ATP6V1A: variants seen among roughly 807,000 people sequenced by gnomAD.
ATP6V1A encodes the protein V-type proton ATPase catalytic subunit A.
ATP6V1A carries 18 observed loss-of-function variants against 70.1 expected under a neutral mutation model. The ratio of observed to expected loss-of-function variants is 0.26; its 90% CI spans 0.18 to 0.38. The LOEUF (loss-of-function observed/expected upper bound fraction) is 0.38. Ranked by LOEUF, ATP6V1A falls within the 10% of genes least tolerant of loss-of-function variation. The pLI, the probability that ATP6V1A is intolerant of heterozygous loss-of-function variation, is 1.00. For synonymous variants in ATP6V1A, 232 were observed against 253.8 expected, an observed-to-expected ratio of 0.91 and a Z score of 0.82; for missense variants, 424 against 772.4, an observed-to-expected ratio of 0.55 and a Z score of 5.35.
At chr3:113,760,723 T>C (rs1463470622) in intron 1 of ATP6V1A, among the ~76,000 whole-genome samples, 1 of 150,122 alleles carries the variant, frequency 6.7e-6, no homozygotes, top group Non-Finnish European at 1.5e-5. Flanking sequence ...TAAGACTCCA[T>C]CTCAAAAAAA....
At chr3:113,779,035 T>C in intron 2 of ATP6V1A, 200 bp downstream of exon 2, 1 of 376,216 alleles carries the variant, frequency 2.7e-6, no homozygotes, top group Non-Finnish European at 4.8e-6. Flanking sequence ...CTAAATTTTA[T>C]AATTATTGAG....
intron 1 of ATP6V1A, among the ~76,000 whole-genome samples, chr3:113,771,354 C>T (rs1323990595): frequency 6.6e-6 from 1 of 151,550 alleles, no homozygotes; most frequent in Non-Finnish European, 1.5e-5. Flanking sequence ...ATTCAGTCAT[C>T]AGGTCACCAT....
chr3:113,802,466 G>T (rs2108043582), intron 12 of ATP6V1A, among the ~76,000 whole-genome samples: 1 of 151,454 alleles, frequency 6.6e-6, no homozygotes, highest in Admixed American at 6.6e-5. Context: ...GAGTAGCTGG[G>T]ACTACAGGCG....
chr3:113,784,174 A>T (rs191211820), intron 3 of ATP6V1A, 50 bp from the exon 4 acceptor site: 1 of 1,526,602 alleles, frequency 6.6e-7, no homozygotes, highest in East Asian at 2.3e-5. Flanking sequence ...TTTCCTGTTA[A>T]TTGTGTCTTT....
In ATP6V1A at chr3:113,810,975, G is replaced by A. The variant is rs550118125; in HGVS notation, c.*1548G>A. 1 of 151,936 alleles carries A rather than the reference G, an allele frequency of 6.6e-6. No individual in the cohort carries two copies. The highest frequency in any genetic ancestry group is 1.9e-4 in the East Asian group (1 of 5,166). 9.4% of individuals were successfully genotyped at this position (151,936 alleles called of 1,614,324 possible). ...TTGTATCTACTGATAACAGAATCTG[G>A]GTCACATGAAAAAAAATCATTTTAT... On this transcript the variant is annotated 3_prime_UTR_variant, in exon 15 of 15. Coordinates refer to ENST00000273398, the MANE Select transcript of ATP6V1A (RefSeq NM_001690.4).
At chr3:113,808,071 G>A (rs1459764008) in intron 14 of ATP6V1A, among the ~76,000 whole-genome samples, 10 of 150,688 alleles carry the variant, frequency 6.6e-5, no homozygotes, top group South Asian at 2.1e-4. Context: ...TGGAGGTTGC[G>A]GTGAGCTGAG....
chr3:113,767,082 A>G (rs1708780126), intron 1 of ATP6V1A, among the ~76,000 whole-genome samples: 2 of 132,594 alleles, frequency 1.5e-5, no homozygotes. Context: ...AGTTGATGTT[A>G]TGTCTTTTTT....
chr3:113,774,033 G>T (rs1264972303), intron 1 of ATP6V1A, among the ~76,000 whole-genome samples: 1 of 150,508 alleles, frequency 6.6e-6, no homozygotes. Context: ...AGAAAATAAA[G>T]TTATGATAAA....
Position 113,755,766 on chromosome 3 carries a change from A to G in ATP6V1A, c.-14+8653A>G, listed in dbSNP as rs142132048. Among the ~76,000 whole-genome samples the G allele has an allele frequency of 3.9e-5, 6 of 152,308 alleles. No homozygotes were observed. The South Asian group carries it at 1.0e-3, about 26-fold the overall frequency. On this transcript the variant is annotated intron_variant, in intron 1 of 14. Coordinates refer to ENST00000273398, the MANE Select transcript of ATP6V1A (RefSeq NM_001690.4). ...CATGTACAAATATGGTAAAATTTAT[A>G]TATTCATACAAGTGTGTTTTCTCTC... is the stretch of plus-strand genomic sequence containing the variant.
intron 1 of ATP6V1A, among the ~76,000 whole-genome samples, chr3:113,777,779 A>G (rs1352868151): frequency 2.0e-5 from 3 of 152,184 alleles, no homozygotes; most frequent in Non-Finnish European, 2.9e-5. Flanking sequence ...GAGGTGTAGG[A>G]GCAGATACCT....
chr3:113,753,573 T>C (rs1016536083), intron 1 of ATP6V1A, among the ~76,000 whole-genome samples: 2 of 152,196 alleles, frequency 1.3e-5, no homozygotes, highest in Non-Finnish European at 2.9e-5. Flanking sequence ...GGTATTGTTA[T>C]GTAAATTATG....
Position 113,810,920 on chromosome 3 carries a change from G to A in ATP6V1A, c.*1493G>A, listed in dbSNP as rs370693461. 13 of 152,274 alleles carry A rather than the reference G, an allele frequency of 8.5e-5. No homozygotes were observed. The highest frequency in any genetic ancestry group is 2.9e-4 in the African/African-American group (12 of 41,548). 9.4% of individuals were successfully genotyped at this position (152,274 alleles called of 1,614,324 possible). The stretch of plus-strand genomic sequence containing the variant: ...TATCTATGGCCACAGCAGCATACCA[G>A]TTTCCATCCTAATAGGAATGAAATT... On this transcript the variant is annotated 3_prime_UTR_variant, in exon 15 of 15. Transcript: ENST00000273398.
chr3:113,769,172 C>T (rs919605406), intron 1 of ATP6V1A, among the ~76,000 whole-genome samples: 2 of 152,120 alleles, frequency 1.3e-5, no homozygotes, highest in African/African-American at 4.8e-5. Flanking sequence ...TAGAGAGTGT[C>T]ACAAAATGAC....
intron 1 of ATP6V1A, among the ~76,000 whole-genome samples, chr3:113,766,642 C>T (rs1037380527): frequency 1.3e-5 from 2 of 152,138 alleles, no homozygotes; most frequent in African/African-American, 4.8e-5. Flanking sequence ...GAGGGCTCCA[C>T]CTTCAGGACC....
Position 113,788,370 on chromosome 3 carries a change from C to T in ATP6V1A, c.717-343C>T, listed in dbSNP as rs181263162. The stretch of plus-strand genomic sequence containing the variant: ...TTTTTTTGAGATGGAGTTTTTTGCT[C>T]GTCACCCAGGCTGTAGTGCAAAGGC... On this transcript the variant is annotated intron_variant, in intron 6 of 14. Transcript: ENST00000273398. Among the ~76,000 whole-genome samples the T allele has an allele frequency of 4.0e-5, 6 of 150,720 alleles. No individual in the cohort carries two copies. The South Asian group carries it at 1.0e-3, about 26-fold the overall frequency.
chr3:113,771,429 CTTTTTTTTTTTTTT>C (rs772278685), intron 1 of ATP6V1A, among the ~76,000 whole-genome samples: 2 of 112,596 alleles, frequency 1.8e-5, no homozygotes, highest in African/African-American at 6.7e-5. Flanking sequence ...ATATTTTTCT[CTTTTTTTTTTTTTT>C]TTTTTTTTTT....
chr3:113,781,779 G>T (rs923544851), intron 3 of ATP6V1A, among the ~76,000 whole-genome samples: 1 of 152,120 alleles, frequency 6.6e-6, no homozygotes, highest in Non-Finnish European at 1.5e-5. Context: ...TCATTGGGAC[G>T]CATATTGTAG....
At chr3:113,755,972 C>A (rs931155148) in intron 1 of ATP6V1A, among the ~76,000 whole-genome samples, 1 of 152,148 alleles carries the variant, frequency 6.6e-6, no homozygotes, top group African/African-American at 2.4e-5. Flanking sequence ...TATTAATATA[C>A]CCTCATCATC....
At chr3:113,789,929 A>G (rs1709074075) in intron 8 of ATP6V1A, 89 bp downstream of exon 8, 2 of 931,382 alleles carry the variant, frequency 2.1e-6, no homozygotes, top group Non-Finnish European at 3.4e-6. Context: ...TTTTACTTTC[A>G]TTCTAAAATA....
Sources: allele counts gnomAD v4.1 joint callset (sites outside exome capture counted in the v4.1 genomes callset), GRCh38; gene constraint gnomAD v4.1.1; transcripts MANE v1.5; gene names NCBI Gene and HGNC (gene_info 2026-07-23, HGNC 2026-07-21).